RIN3: variants seen among roughly 807,000 people sequenced by gnomAD.
The protein encoded by RIN3 is Ras and Rab interactor 3.
Under a neutral mutation model 76.3 loss-of-function variants are expected in RIN3, and 54 were observed. The ratio of observed to expected loss-of-function variants is 0.71; its 90% CI spans 0.57 to 0.89. The LOEUF is 0.89. Among genes scored for constraint, RIN3 ranks in the 40% least tolerant of loss-of-function variants. The probability of loss-of-function intolerance (pLI) is 0.00; values close to 1 mark genes in which losing one functional copy is unlikely to be tolerated. For missense variants in RIN3, 1,256 were observed against 1,322.1 expected, an observed-to-expected ratio of 0.95 and a Z score of 0.78; for synonymous variants, 576 against 564.0, an observed-to-expected ratio of 1.02 and a Z score of -0.30.
chr14:92,569,471 C>G (rs1468766935), intron 2 of RIN3, among the ~76,000 whole-genome samples: 1 of 152,172 alleles, frequency 6.6e-6, no homozygotes, highest in Non-Finnish European at 1.5e-5. Flanking sequence ...CATACAATCA[C>G]CCAGGGTCCC....
chr14:92,558,394 T>C (rs918708477), intron 2 of RIN3, among the ~76,000 whole-genome samples: 2 of 152,176 alleles, frequency 1.3e-5, no homozygotes, highest in Non-Finnish European at 2.9e-5. Flanking sequence ...TAAAAATAAC[T>C]GTAGTGGTTC....
Position 92,628,617 on chromosome 14 carries a change from G to C in RIN3, c.441-12621G>C, listed in dbSNP as rs909082674. 2.0e-5 allele frequency among the ~76,000 whole-genome samples: 3 copies of C among 152,154 alleles called. No homozygotes were observed. In the South Asian group the frequency reaches 6.2e-4, roughly 31 times the overall value. ...AAGGCCACGCTTTCCCATGCTTCCT[G>C]TTCCGTGAACTTTAATGATAGGAAC... On this transcript the variant is annotated intron_variant, in intron 4 of 9. Transcript: ENST00000216487.
intron 8 of RIN3, among the ~76,000 whole-genome samples, chr14:92,678,484 CCCACATATTCACCACCCACCCAT>C (rs1229669427): frequency 8.7e-6 from 1 of 115,428 alleles, no homozygotes. Flanking sequence ...CACCCACCCA[CCCACATATTCACCACCCACCCAT>C]CCACATATTC....
chr14:92,589,823 T>TC (rs1165380766), intron 3 of RIN3, among the ~76,000 whole-genome samples: 1 of 152,214 alleles, frequency 6.6e-6, no homozygotes, highest in Non-Finnish European at 1.5e-5. Context: ...TCTGGCATGT[T>TC]AGAAAGTTGA....
intron 2 of RIN3, among the ~76,000 whole-genome samples, chr14:92,571,645 G>A (rs1331889639): frequency 2.0e-5 from 3 of 152,176 alleles, no homozygotes; most frequent in Non-Finnish European, 4.4e-5. Context: ...TCCTTCAGAT[G>A]CCAGCCACAA....
chr14:92,613,708 T>G (rs932888196), intron 3 of RIN3, among the ~76,000 whole-genome samples: 4 of 152,086 alleles, frequency 2.6e-5, no homozygotes, highest in African/African-American at 9.7e-5. Flanking sequence ...ACAGAGGCAC[T>G]GAGGGGGGAA....
rs769289880 is a variant in RIN3, at chr14:92,652,444, G to C, written c.1395G>C (p.Arg465=). The change falls in exon 6 of 10, where the codon CGG becomes CGC. Residue 465 remains arginine, a synonymous_variant. Transcript: ENST00000216487. The surrounding 1 kb of genome is among the most constrained non-coding windows in gnomAD (Gnocchi z 6.4). The part of the protein sequence containing the change: ...QPPVPPPRKK[R]ISRQLASTLP... Reference sequence around the variant, plus strand: ...CAGTCCCGCCCCCCAGGAAAAAACGGATCTCTCGACAACTGGCCTCGACCC... The same window carrying C: ...CAGTCCCGCCCCCCAGGAAAAAACGCATCTCTCGACAACTGGCCTCGACCC... 36 of 1,613,864 alleles carry C rather than the reference G, an allele frequency of 2.2e-5. No individual in the cohort carries two copies. Among genetic ancestry groups the C allele is most frequent in the Middle Eastern group, 1.6e-4 (1 of 6,084 alleles).
At chr14:92,570,659 C>A (rs76060210) in intron 2 of RIN3, among the ~76,000 whole-genome samples, 20 of 144,934 alleles carry the variant, frequency 1.4e-4, no homozygotes, top group African/African-American at 1.0e-4. Flanking sequence ...GAGACTGTCT[C>A]AAAAAAAAAA....
rs1382046653 is a variant in RIN3 at position 92,548,320 on chromosome 14, G to T, written c.45-7431G>T. On this transcript the variant is annotated intron_variant, in intron 1 of 9. Coordinates refer to ENST00000216487, the MANE Select transcript of RIN3 (RefSeq NM_024832.5). ...TTGCCAGGGTTTGAATCCCAGTTCT[G>T]CCACTTATTGGCATGTGACCTTTGG... 2.0e-5 allele frequency among the ~76,000 whole-genome samples: 3 copies of T among 152,048 alleles called. No homozygotes were observed. The East Asian group carries it at 5.8e-4, about 29-fold the overall frequency.
At chr14:92,684,041 C>T (rs760546283) in intron 8 of RIN3, among the ~76,000 whole-genome samples, 42 of 152,292 alleles carry the variant, frequency 2.8e-4, no homozygotes, top group Non-Finnish European at 5.1e-4. Context: ...CATTAGCCTA[C>T]AGTTGGGCAA....
At chr14:92,609,330 CT>C (rs1453576654) in intron 3 of RIN3, among the ~76,000 whole-genome samples, 33 of 152,262 alleles carry the variant, frequency 2.2e-4, no homozygotes, top group South Asian at 1.2e-3. Flanking sequence ...GAAAGGCTTC[CT>C]TTCTTCTGAG....
At chr14:92,537,025 A>G (rs1343066067) in intron 1 of RIN3, among the ~76,000 whole-genome samples, 1 of 152,126 alleles carries the variant, frequency 6.6e-6, no homozygotes, top group Non-Finnish European at 1.5e-5. Flanking sequence ...TATATAATGA[A>G]AAAGATGTAC....
chr14:92,530,538 C>G (rs1896856642), intron 1 of RIN3, among the ~76,000 whole-genome samples: 1 of 151,952 alleles, frequency 6.6e-6, no homozygotes, highest in South Asian at 2.1e-4. Context: ...ATAGTCATAG[C>G]CCCCTGAGGC....
Position 92,685,375 on chromosome 14 carries a change from T to C in RIN3, c.2631+225T>C. 2 of 547,312 alleles carry C rather than the reference T, an allele frequency of 3.7e-6. No individual in the cohort carries two copies. The allele number at this position is 547,312 out of a possible 1,614,324, so 33.9% of individuals were successfully genotyped here. Reference sequence around the variant, plus strand: ...AGAAACATATCAGCAGGCATTGGTGTTCTCCCTGGGCAAGCAGGAAGGGTG... The same window carrying C: ...AGAAACATATCAGCAGGCATTGGTGCTCTCCCTGGGCAAGCAGGAAGGGTG... On this transcript the variant is annotated intron_variant, in intron 9 of 9. Coordinates refer to ENST00000216487, the MANE Select transcript of RIN3 (RefSeq NM_024832.5). This position sits in a 1 kb window ranked among gnomAD's most constrained non-coding sequence, Gnocchi z 4.7.
intron 1 of RIN3, among the ~76,000 whole-genome samples, chr14:92,537,223 A>G (rs931669884): frequency 1.3e-5 from 2 of 152,158 alleles, no homozygotes; most frequent in African/African-American, 4.8e-5. Context: ...CTCCTTAACC[A>G]CTTAGTGACT....
At chr14:92,683,994 A>G (rs1888754411) in intron 8 of RIN3, among the ~76,000 whole-genome samples, 1 of 152,222 alleles carries the variant, frequency 6.6e-6, no homozygotes, top group Non-Finnish European at 1.5e-5. Context: ...ACTGAACATC[A>G]TAGCCTAGTC....
At chr14:92,588,469 G>A (rs1158862187) in intron 3 of RIN3, among the ~76,000 whole-genome samples, 12 of 151,656 alleles carry the variant, frequency 7.9e-5, no homozygotes, top group African/African-American at 1.5e-4. Context: ...CAGGTGATCC[G>A]CCTGCCTCGG....
chr14:92,545,138 C>G (rs1897230745), intron 1 of RIN3, among the ~76,000 whole-genome samples: 1 of 100,644 alleles, frequency 9.9e-6, no homozygotes, highest in African/African-American at 4.0e-5. Flanking sequence ...GAGACGGAGT[C>G]TTGCTCTGTC....
At chr14:92,596,117 A>G (rs1885140928) in intron 3 of RIN3, among the ~76,000 whole-genome samples, 1 of 152,190 alleles carries the variant, frequency 6.6e-6, no homozygotes, top group African/African-American at 2.4e-5. Context: ...TAGTTTTCAC[A>G]TTGGAAACTT....
Sources: gnomAD v4.1 joint callset for allele counts (sites outside exome capture counted in the v4.1 genomes callset) on GRCh38, gnomAD v4.1.1 for gene constraint, Gnocchi (gnomAD v3.1) non-coding constraint, MANE v1.5 for transcripts, NCBI Gene and HGNC (gene_info 2026-07-23, HGNC 2026-07-21) for gene names.